Variants in NLRP13 observed in about 807,000 individuals in gnomAD.
NLRP13 encodes the protein NLR family pyrin domain containing 13.
In NLRP13, 82 loss-of-function variants were observed where a neutral mutation model predicts 94.4. The ratio of observed to expected loss-of-function variants is 0.87; its 90% CI spans 0.73 to 1.04. The LOEUF (loss-of-function observed/expected upper bound fraction) is 1.04. Ranked by LOEUF, NLRP13 falls within the 50% of genes least tolerant of loss-of-function variation. NLRP13 has a pLI of 0.00. For synonymous variants in NLRP13, 553 were observed against 464.7 expected, an observed-to-expected ratio of 1.19 and a Z score of -2.45; for missense variants, 1,426 against 1,230.8, an observed-to-expected ratio of 1.16 and a Z score of -2.37.
At chr19:55,930,027 G>A (rs1194639733) in intron 1 of NLRP13, among the ~76,000 whole-genome samples, 1 of 152,108 alleles carries the variant, frequency 6.6e-6, no homozygotes, top group Admixed American at 6.5e-5. Flanking sequence ...AGGGTGGAGT[G>A]GTGTTCTAGT....
At chr19:55,918,220 G>T (rs1361187439) in intron 4 of NLRP13, among the ~76,000 whole-genome samples, 1 of 143,940 alleles carries the variant, frequency 6.9e-6, no homozygotes, top group Admixed American at 6.9e-5. Flanking sequence ...AATGAAAATG[G>T]AGACACAACA....
chr19:55,931,360 C>T (rs529093721), intron 1 of NLRP13, among the ~76,000 whole-genome samples: 42 of 152,078 alleles, frequency 2.8e-4, no homozygotes, highest in African/African-American at 9.6e-4. Flanking sequence ...GAAATCTGTG[C>T]TGCACTCAAA....
In NLRP13 at chr19:55,925,052, T is replaced by G. The variant is rs748042023; in HGVS notation, c.320-17A>C. On this transcript the variant is annotated splice_polypyrimidine_tract_variant and intron_variant, in intron 1 of 10. Transcript: ENST00000342929. ...GCACATTCTCTGAAACAAACAGTGATGATGACATATGAGAATACCCAGACT... is the reference window on the plus strand; with the variant it reads ...GCACATTCTCTGAAACAAACAGTGAGGATGACATATGAGAATACCCAGACT... The G allele has an allele frequency of 2.5e-6, 4 of 1,611,620 alleles. No individual in the cohort carries two copies. Among genetic ancestry groups the G allele is most frequent in the Non-Finnish European group, 3.4e-6 (4 of 1,177,828 alleles).
intron 1 of NLRP13, among the ~76,000 whole-genome samples, chr19:55,929,004 A>G (rs1014491697): frequency 6.6e-6 from 1 of 152,376 alleles, no homozygotes; most frequent in Non-Finnish European, 1.5e-5. Context: ...GAAGACATTT[A>G]TGCAGCCAAC....
Position 55,896,100 on chromosome 19 carries a change from T to A in NLRP13, c.2977A>T (p.Thr993Ser). ...AAGAGATGCTGGCAGCAAGCAGTTGTCAGATTGCATTTCGCCAACCTAGGG... is the reference window on the plus strand; with the variant it reads ...AAGAGATGCTGGCAGCAAGCAGTTGACAGATTGCATTTCGCCAACCTAGGG... The part of the protein sequence containing the change: ...HTLGLAKCNL[T>S]TACCQHLFSV... Residue 993 changes from threonine to serine, a missense_variant, in exon 11 of 11, where the codon ACA (threonine) becomes TCA (serine). Coordinates refer to ENST00000342929, the MANE Select transcript of NLRP13 (RefSeq NM_176810.2). 1 of 1,614,078 alleles carries A rather than the reference T, an allele frequency of 6.2e-7. No homozygotes were observed. Among genetic ancestry groups the A allele is most frequent in the Admixed American group, 1.7e-5 (1 of 60,004 alleles).
At chr19:55,901,662 C>T (rs1319980379) in intron 9 of NLRP13, among the ~76,000 whole-genome samples, 2 of 152,104 alleles carry the variant, frequency 1.3e-5, no homozygotes, top group Admixed American at 1.3e-4. Flanking sequence ...CATGTGATTG[C>T]ACGGGGAGAG....
At position 55,910,630 on chromosome 19, in the gene NLRP13, G is replaced by C; in HGVS notation, c.2215C>G (p.His739Asp). 6.2e-7 allele frequency: 1 copy of C among 1,613,826 alleles called. No individual in the cohort carries two copies. Among genetic ancestry groups the C allele is most frequent in the South Asian group, 1.1e-5 (1 of 91,040 alleles). Residue 739 changes from histidine (H) to aspartate (D), a missense_variant, in exon 6 of 11, where the codon CAT becomes GAT. His to Asp is a moderately conservative substitution (Grantham distance 81). Coordinates refer to ENST00000342929, the MANE Select transcript of NLRP13 (RefSeq NM_176810.2). ...HELDLSNSKL[H>D]ASSVKGLCLA... ...CAGAGACCCTTCACAGAGGAAGCATGAAGTTTGCTGTTACTCAGGTCTAGC... is the reference window on the plus strand; with the variant it reads ...CAGAGACCCTTCACAGAGGAAGCATCAAGTTTGCTGTTACTCAGGTCTAGC...
chr19:55,903,921 G>A (rs889556879), intron 8 of NLRP13, among the ~76,000 whole-genome samples: 6 of 152,106 alleles, frequency 3.9e-5, no homozygotes, highest in Admixed American at 3.3e-4. Context: ...TTCAAAGTAC[G>A]TCAGATTAAG....
Position 55,913,038 on chromosome 19 carries a change from T to G in NLRP13, c.779A>C (p.Gln260Pro). The G allele has an allele frequency of 6.2e-7, 1 of 1,614,148 alleles. No individual in the cohort carries two copies. Reference sequence around the variant, plus strand: ...GAGATAGAAAACATAGGAGAACCTTTGCTGAAAGAGAACTCCATTTGCCCA... The same window carrying G: ...GAGATAGAAAACATAGGAGAACCTTGGCTGAAAGAGAACTCCATTTGCCCA... ...LHWANGVLFQ[Q>P]RFSYVFYLSC... Residue 260 changes from glutamine to proline, a missense_variant, in exon 5 of 11, where the codon CAA becomes CCA. Coordinates refer to ENST00000342929, the MANE Select transcript of NLRP13 (RefSeq NM_176810.2).
intron 1 of NLRP13, among the ~76,000 whole-genome samples, chr19:55,929,445 G>C (rs1033117887): frequency 6.6e-6 from 1 of 152,068 alleles, no homozygotes; most frequent in African/African-American, 2.4e-5. Context: ...CTATGCAGCC[G>C]TAAAAAAGGA....
At chr19:55,904,365 G>C (rs1434058305) in intron 8 of NLRP13, among the ~76,000 whole-genome samples, 3 of 152,152 alleles carry the variant, frequency 2.0e-5, no homozygotes, top group Non-Finnish European at 4.4e-5. Context: ...TGGGATTACA[G>C]GTGTGAGCCA....
Position 55,898,212 on chromosome 19 carries a change from G to GT in NLRP13, c.2957+557dup, listed in dbSNP as rs996847207. 4.2e-3 allele frequency among the ~76,000 whole-genome samples: 117 copies of GT among 28,072 alleles called. 10 individuals carry two copies. The highest frequency in any genetic ancestry group is 0.039 in the East Asian group (15 of 388). 18.4% of individuals were successfully genotyped at this position (28,072 alleles called of 152,430 possible). On this transcript the variant is annotated intron_variant, in intron 10 of 10. Coordinates refer to ENST00000342929, the MANE Select transcript of NLRP13 (RefSeq NM_176810.2). ...CAGGAGAGTTTTTGTTTTTGTTTTT[G>GT]TTTTTTTTTTTTTTGAGATGGAGTT...
chr19:55,918,401 GA>G (rs1986727663), intron 4 of NLRP13, among the ~76,000 whole-genome samples: 1 of 151,666 alleles, frequency 6.6e-6, no homozygotes, highest in South Asian at 2.1e-4. Context: ...AGCAGAAATA[GA>G]GACCAAAATA....
chr19:55,895,211 AAG>A (rs1275551825), downstream of NLRP13, among the ~76,000 whole-genome samples: 4 of 148,504 alleles, frequency 2.7e-5, no homozygotes, highest in African/African-American at 7.5e-5. Context: ...AAAAAAAAAA[AAG>A]AAAGAAAAGA....
rs1459802888 is a variant in NLRP13, at chr19:55,912,737, C to T, written c.1080G>A (p.Leu360=). The change falls in exon 5 of 11, where the codon CTG becomes CTA. Residue 360 remains leucine, a synonymous_variant. Transcript: ENST00000342929. ...KKELVPLATL[L]ITIKTWFVRD... is the part of the protein sequence containing the mutation. ...TCACAAACCAGGTCTTGATCGTGATCAGTAAGGTAGCCAGGGGAACCAATT... is the reference window on the plus strand; with the variant it reads ...TCACAAACCAGGTCTTGATCGTGATTAGTAAGGTAGCCAGGGGAACCAATT... 6.2e-7 allele frequency: 1 copy of T among 1,614,040 alleles called. No homozygotes were observed. The highest frequency in any genetic ancestry group is 1.3e-5 in the African/African-American group (1 of 74,904).
Position 55,904,977 on chromosome 19 carries a change from G to T in NLRP13, c.2583C>A (p.Ala861=). The part of the protein sequence containing the change: ...QDDGIKLLCA[A]LTHPKCALER... ...CTAAGGCACACTTGGGGTGAGTCAG[G>T]GCCGCACACAATAGCTTTATGCCAT... Residue 861 remains alanine, a synonymous_variant, in exon 8 of 11, where the codon GCC becomes GCA. Transcript: ENST00000342929. 1 of 1,613,906 alleles carries T rather than the reference G, an allele frequency of 6.2e-7. No individual in the cohort carries two copies. Among genetic ancestry groups the T allele is most frequent in the Non-Finnish European group, 8.5e-7 (1 of 1,179,940 alleles).
intron 9 of NLRP13, among the ~76,000 whole-genome samples, chr19:55,899,895 CTA>C (rs1282958318): frequency 1.3e-5 from 2 of 151,710 alleles, no homozygotes; most frequent in African/African-American, 4.8e-5. Flanking sequence ...TCAGATTTCC[CTA>C]GAGTTTAGAC....
At position 55,898,970 on chromosome 19, in the gene NLRP13, GTAAT is replaced by G. The variant is rs771909782; in HGVS notation, c.2790-37_2790-34del. On this transcript the variant is annotated intron_variant, in intron 9 of 10. Coordinates refer to ENST00000342929, the MANE Select transcript of NLRP13 (RefSeq NM_176810.2). ...ATAAAAACATACAAAAGGGGGGAAA[GTAAT>G]TGCGTCCCGAAGCTGTGCTGTGTTT... 40 of 1,599,074 alleles carry G rather than the reference GTAAT, an allele frequency of 2.5e-5. 2 individuals carry two copies. The Admixed American group carries it at 6.6e-4, about 26-fold the overall frequency.
downstream of NLRP13, chr19:55,892,267 C>T (rs929657722): frequency 1.0e-5 from 5 of 483,756 alleles, no homozygotes; most frequent in South Asian, 4.5e-4. Flanking sequence ...GATCCCATCA[C>T]CCAGGTAGTG....
Sources: gnomAD v4.1 joint callset for allele counts (sites outside exome capture counted in the v4.1 genomes callset) on GRCh38, gnomAD v4.1.1 for gene constraint, MANE v1.5 for transcripts, NCBI Gene and HGNC (gene_info 2026-07-23, HGNC 2026-07-21) for gene names.